Variants in EP400 observed in about 807,000 individuals in gnomAD.
EP400 encodes the protein E1A binding protein p400, also known as E1A-binding protein p400.
Under a neutral mutation model 354.1 loss-of-function variants are expected in EP400, and 105 were observed. The ratio of observed to expected loss-of-function variants is 0.30; its 90% CI spans 0.25 to 0.35. EP400 has a LOEUF of 0.35. EP400 is among the 10% of genes least tolerant of loss of function. The probability of loss-of-function intolerance (pLI) is 1.00; values close to 1 mark genes in which losing one functional copy is unlikely to be tolerated. For missense variants in EP400, 3,280 were observed against 4,121.0 expected (o/e 0.80, Z 5.59); for synonymous variants, 1,646 against 1,716.9 (o/e 0.96, Z 1.02).
In EP400 at chr12:132,027,659, T is replaced by C. The variant is rs1458468987; in HGVS notation, c.5109+128T>C. 1 of 762,188 alleles carries C rather than the reference T, an allele frequency of 1.3e-6. No homozygotes were observed. The highest frequency in any genetic ancestry group is 1.8e-5 in the African/African-American group (1 of 56,596). 47.2% of individuals were successfully genotyped at this position (762,188 alleles called of 1,614,324 possible). A position where few individuals can be genotyped will look rare whatever the true frequency, so the allele number is the denominator to read the frequency against. ...AAGTGATGTTACTGAATTCTTATTT[T>C]AAAACACACATTTTCTAATAAAATA... On this transcript the variant is annotated intron_variant, in intron 26 of 52. Coordinates refer to ENST00000389561, the MANE Select transcript of EP400 (RefSeq NM_015409.5). This position sits in a 1 kb window ranked among gnomAD's most constrained non-coding sequence, Gnocchi z 4.9.
intron 9 of EP400, 41 bp from the exon 10 acceptor site, chr12:131,991,366 T>TG (rs754874595): frequency 3.1e-6 from 5 of 1,608,934 alleles, no homozygotes; most frequent in African/African-American, 1.3e-5. Context: ...TCGCCAAGCA[T>TG]GGGGGGCCTT....
chr12:132,023,774 C>G lies in EP400; in HGVS notation c.4691-3C>G. On this transcript the variant is annotated splice_region_variant and splice_polypyrimidine_tract_variant and intron_variant, in intron 23 of 52. Coordinates refer to ENST00000389561, the MANE Select transcript of EP400 (RefSeq NM_015409.5). ...ATTCACCTTTTCCTCTACGTTTCAA[C>G]AGGTGGAGAGGTAGTGAAAATAGCT... The G allele has an allele frequency of 6.2e-7, 1 of 1,610,988 alleles. No individual in the cohort carries two copies. Among genetic ancestry groups the G allele is most frequent in the Non-Finnish European group, 8.5e-7 (1 of 1,179,188 alleles).
intron 19 of EP400, among the ~76,000 whole-genome samples, chr12:132,016,558 G>C (rs1893941649): frequency 6.6e-6 from 1 of 152,074 alleles, no homozygotes; most frequent in African/African-American, 2.4e-5. Context: ...TTTTAGTAGA[G>C]ACGGGGTTTT....
rs527973021 is a variant in EP400, at chr12:132,042,013, G to A, written c.6208-1291G>A. 3.4e-5 allele frequency among the ~76,000 whole-genome samples: 5 copies of A among 146,620 alleles called. No individual in the cohort carries two copies. In the East Asian group the frequency reaches 7.9e-4, roughly 23 times the overall value. ...ATCGTCCAGGCTGCAGTGCAGTGGT[G>A]TGATCTCAGCTCACTGCAACCTCCA... is the stretch of plus-strand genomic sequence containing the variant. On this transcript the variant is annotated intron_variant, in intron 32 of 52. Coordinates refer to ENST00000389561, the MANE Select transcript of EP400 (RefSeq NM_015409.5).
chr12:132,035,430 G>C (rs1221639682), intron 30 of EP400, among the ~76,000 whole-genome samples: 2 of 152,210 alleles, frequency 1.3e-5, no homozygotes, highest in Non-Finnish European at 2.9e-5. Context: ...TGCTTAGGGA[G>C]GACAGCAAAA....
Position 132,062,567 on chromosome 12 carries a change from C to G in EP400, c.8200C>G (p.Gln2734Glu). ...GCAACAACAGCAGCAGCAGCAGCAGCAGCAGCAGCAGCAGCAGCAGCAGCA... is the reference window on the plus strand; with the variant it reads ...GCAACAACAGCAGCAGCAGCAGCAGGAGCAGCAGCAGCAGCAGCAGCAGCA... ...QQQQQQQQQQ[Q>E]QQQQQQQQQQ... Residue 2734 changes from glutamine to glutamate, a missense_variant, in exon 47 of 53, where the codon CAG becomes GAG. This residue lies in a region of EP400 where 11 missense variants were observed against 34.5 expected (regional missense o/e 0.32). Coordinates refer to ENST00000389561, the MANE Select transcript of EP400 (RefSeq NM_015409.5). 6.2e-7 allele frequency: 1 copy of G among 1,608,216 alleles called. No homozygotes were observed. The highest frequency in any genetic ancestry group is 8.5e-7 in the Non-Finnish European group (1 of 1,176,676).
intron 2 of EP400, among the ~76,000 whole-genome samples, chr12:131,968,904 G>A (rs1357294347): frequency 6.6e-6 from 1 of 152,086 alleles, no homozygotes; most frequent in Non-Finnish European, 1.5e-5. Flanking sequence ...CCTACATTCT[G>A]CAACCTTGCT....
intron 37 of EP400, 127 bp downstream of exon 37, chr12:132,045,080 G>A (rs1487543321): frequency 1.1e-5 from 15 of 1,411,574 alleles, no homozygotes; most frequent in South Asian, 5.5e-5. Flanking sequence ...GCGATCACAC[G>A]CCCATCCGCT....
rs759852008 is a variant in EP400, at chr12:132,066,976, G to A, written c.8749+7G>A. On this transcript the variant is annotated splice_region_variant and intron_variant, in intron 49 of 52. Coordinates refer to ENST00000389561, the MANE Select transcript of EP400 (RefSeq NM_015409.5). ...CAGCCACAGAAGGCAGCAGGTGCCC[G>A]CCCCAGCACACCCTCCCGTCCTGGG... 70 of 1,585,274 alleles carry A rather than the reference G, an allele frequency of 4.4e-5. No homozygotes were observed. The East Asian group carries it at 7.5e-4, about 17-fold the overall frequency.
At chr12:132,012,624 A>G (rs1177696977) in intron 16 of EP400, among the ~76,000 whole-genome samples, 1 of 152,244 alleles carries the variant, frequency 6.6e-6, no homozygotes, top group Non-Finnish European at 1.5e-5. Flanking sequence ...TAAAAAGTGT[A>G]TAATGCAGTC....
At position 132,045,816 on chromosome 12, in the gene EP400, T is replaced by C. The variant is rs1895077009; in HGVS notation, c.7116T>C (p.Val2372=). 1 of 1,614,108 alleles carries C rather than the reference T, an allele frequency of 6.2e-7. No individual in the cohort carries two copies. The highest frequency in any genetic ancestry group is 1.3e-5 in the African/African-American group (1 of 74,934). ...TPNWDLVSDV[V]NSCSRIYRSS... ...ATTGGGATCTTGTCAGTGACGTTGT[T>C]AACTCCTGTAGCCGAATCTACCGCT... Residue 2372 remains valine, a synonymous_variant, in exon 39 of 53, where the codon GTT becomes GTC. Transcript: ENST00000389561.
intron 23 of EP400, among the ~76,000 whole-genome samples, chr12:132,023,148 T>G (rs78293399): frequency 5.3e-5 from 8 of 149,882 alleles, no homozygotes; most frequent in Non-Finnish European, 1.0e-4. Flanking sequence ...TTTTTTTTTT[T>G]GGAGATGGAG....
intron 45 of EP400, among the ~76,000 whole-genome samples, chr12:132,056,049 G>A (rs1305261773): frequency 2.6e-5 from 4 of 151,902 alleles, no homozygotes; most frequent in African/African-American, 9.7e-5. Flanking sequence ...AGCGGTAGGT[G>A]CAGCCCACCC....
chr12:132,055,457 TGTGTGTG>T (rs1895455955), intron 45 of EP400, among the ~76,000 whole-genome samples: 1 of 131,918 alleles, frequency 7.6e-6, no homozygotes, highest in African/African-American at 3.0e-5. Flanking sequence ...GGTGTAGGGG[TGTGTGTG>T]TGTGTGTGTG....
chr12:131,989,456 C>T (rs1892961636), intron 7 of EP400, among the ~76,000 whole-genome samples: 1 of 152,340 alleles, frequency 6.6e-6, no homozygotes, highest in East Asian at 1.9e-4. Context: ...GCTCTCAGGG[C>T]TCCAAAGGTT....
At position 131,995,061 on chromosome 12, in the gene EP400, G is replaced by A. The variant is rs931506675; in HGVS notation, c.2827+105G>A. On this transcript the variant is annotated intron_variant, in intron 12 of 52. Transcript: ENST00000389561. ...TTGAGTAACAACAGCAGCAGTGCCT[G>A]TTTTATGGAAAACAGTCCCTGTGTG... 1.2e-5 allele frequency: 13 copies of A among 1,116,258 alleles called. No homozygotes were observed. The Admixed American group carries it at 1.6e-4, about 14-fold the overall frequency. The allele number at this position is 1,116,258 out of a possible 1,614,324, so 69.1% of individuals were successfully genotyped here. A position where few individuals can be genotyped will look rare whatever the true frequency, so the allele number is the denominator to read the frequency against.
chr12:132,061,013 A>G (rs934517256), intron 45 of EP400, among the ~76,000 whole-genome samples: 1 of 152,214 alleles, frequency 6.6e-6, no homozygotes, highest in African/African-American at 2.4e-5. Flanking sequence ...ATATGCTTTA[A>G]GCAGAAGAAA....
chr12:132,010,696 C>T (rs1020845254), intron 15 of EP400, among the ~76,000 whole-genome samples: 13 of 152,180 alleles, frequency 8.5e-5, no homozygotes, highest in African/African-American at 1.9e-4. Context: ...AATCCCAGCA[C>T]GTTGGGAGGC....
intron 16 of EP400, 64 bp from the exon 17 acceptor site, chr12:132,012,945 C>T: frequency 1.3e-6 from 2 of 1,489,072 alleles, no homozygotes; most frequent in South Asian, 2.8e-5. Context: ...AAGTGTGTGT[C>T]CTCAAGGTGA....
Sources: allele counts gnomAD v4.1 joint callset (sites outside exome capture counted in the v4.1 genomes callset), GRCh38; gene constraint gnomAD v4.1.1; regional missense constraint gnomAD v4.1.1; non-coding constraint Gnocchi (gnomAD v3.1); transcripts MANE v1.5; gene names NCBI Gene and HGNC (gene_info 2026-07-23, HGNC 2026-07-21).